The following ATP8B4 variants were observed in gnomAD, a reference collection of about 807,000 sequenced individuals.
The protein encoded by ATP8B4 is ATPase phospholipid transporting 8B4 (putative).
ATP8B4 carries 133 observed loss-of-function variants against 145.6 expected under a neutral mutation model. The observed-to-expected ratio is 0.91, with a 90% CI of 0.79 to 1.05. The LOEUF is 1.05. Among genes scored for constraint, ATP8B4 ranks in the 50% least tolerant of loss-of-function variants. The probability of loss-of-function intolerance (pLI) is 0.00; values close to 1 mark genes in which losing one functional copy is unlikely to be tolerated. For synonymous variants in ATP8B4, 507 were observed against 492.9 expected (o/e 1.03, Z -0.38); for missense variants, 1,458 against 1,425.2 (o/e 1.02, Z -0.37).
chr15:50,114,103 CTTTTTTTTTTT>C (rs755159123), intron 1 of ATP8B4, among the ~76,000 whole-genome samples: 12 of 55,654 alleles, frequency 2.2e-4, no homozygotes, highest in African/African-American at 8.0e-4. Context: ...CTCCTAGTTT[CTTTTTTTTTTT>C]TTTTTTTTTT....
chr15:49,989,250 C>T (rs2046866417), intron 9 of ATP8B4, among the ~76,000 whole-genome samples: 1 of 152,114 alleles, frequency 6.6e-6, no homozygotes, highest in African/African-American at 2.4e-5. Flanking sequence ...TTCTAAATCC[C>T]TGAATTCAGT....
intron 7 of ATP8B4, chr15:50,009,818 AC>A (rs1311823373): frequency 5.5e-6 from 2 of 362,100 alleles, no homozygotes; most frequent in African/African-American, 4.4e-5. Context: ...GGCTGCCGAC[AC>A]CTTTGTGTTT....
At chr15:50,146,742 A>G (rs146442730) in intron 1 of ATP8B4, among the ~76,000 whole-genome samples, 116 of 152,300 alleles carry the variant, frequency 7.6e-4, no homozygotes, top group African/African-American at 2.7e-3. Flanking sequence ...GCAGGGTTGT[A>G]TTGGGTAAAA....
chr15:50,151,606 C>A (rs2044347847), intron 1 of ATP8B4, among the ~76,000 whole-genome samples: 1 of 152,042 alleles, frequency 6.6e-6, no homozygotes, highest in South Asian at 2.1e-4. Context: ...TTAAAAGTAG[C>A]TTGATGTAGT....
At chr15:50,128,006 T>C (rs527961265) in intron 1 of ATP8B4, among the ~76,000 whole-genome samples, 1 of 152,320 alleles carries the variant, frequency 6.6e-6, no homozygotes, top group South Asian at 2.1e-4. Flanking sequence ...CTACTTCTTG[T>C]GCAACCCCAT....
At chr15:49,883,633 G>A (rs1030575455) in intron 23 of ATP8B4, 4 of 152,062 alleles carry the variant, frequency 2.6e-5, no homozygotes, top group East Asian at 1.9e-4. Context: ...TGGGAAAACC[G>A]AGGCCTATCA....
chr15:50,030,005 T>C (rs1167883681), intron 6 of ATP8B4, among the ~76,000 whole-genome samples: 2 of 152,212 alleles, frequency 1.3e-5, no homozygotes, highest in Non-Finnish European at 1.5e-5. Flanking sequence ...AATCAACAAA[T>C]GCTGTTAAAA....
intron 13 of ATP8B4, among the ~76,000 whole-genome samples, chr15:49,964,949 G>T (rs1246005692): frequency 6.6e-6 from 1 of 152,114 alleles, no homozygotes; most frequent in Non-Finnish European, 1.5e-5. Flanking sequence ...CTGATTAAAA[G>T]TTTCCCATTT....
intron 1 of ATP8B4, among the ~76,000 whole-genome samples, chr15:50,163,727 T>TC (rs891739930): frequency 1.3e-5 from 2 of 152,156 alleles, no homozygotes; most frequent in Admixed American, 1.3e-4. Context: ...GGCTACAAGA[T>TC]CCCCCTAGCC....
At chr15:50,159,326 A>AT (rs1050517435) in intron 1 of ATP8B4, among the ~76,000 whole-genome samples, 8 of 152,200 alleles carry the variant, frequency 5.3e-5, no homozygotes, top group African/African-American at 1.9e-4. Context: ...AATGCTACTG[A>AT]TTTTTGTGTG....
At chr15:49,969,984 T>C (rs1166900832) in intron 13 of ATP8B4, among the ~76,000 whole-genome samples, 1 of 152,112 alleles carries the variant, frequency 6.6e-6, no homozygotes. Context: ...AACCAATAAA[T>C]ATAATCCATC....
intron 25 of ATP8B4, among the ~76,000 whole-genome samples, chr15:49,874,364 G>A (rs2034079976): frequency 6.6e-6 from 1 of 152,172 alleles, no homozygotes; most frequent in South Asian, 2.1e-4. Flanking sequence ...AATGTTCCAG[G>A]CAGGAAAGAG....
intron 3 of ATP8B4, among the ~76,000 whole-genome samples, chr15:50,063,784 C>CT (rs1274333298): frequency 6.6e-6 from 1 of 152,024 alleles, no homozygotes; most frequent in African/African-American, 2.4e-5. Flanking sequence ...GGTGATTTTC[C>CT]TGGAGATCTG....
At chr15:50,128,866 G>C (rs796967413) in intron 1 of ATP8B4, among the ~76,000 whole-genome samples, 5 of 152,218 alleles carry the variant, frequency 3.3e-5, no homozygotes, top group African/African-American at 1.2e-4. Flanking sequence ...TCAGGAGTTC[G>C]AGACCAGACT....
chr15:49,900,728 A>G (rs765704641), intron 21 of ATP8B4, among the ~76,000 whole-genome samples: 3 of 152,198 alleles, frequency 2.0e-5, no homozygotes, highest in Non-Finnish European at 2.9e-5. Context: ...TAAGAGCAAT[A>G]ATTATAATAC....
intron 3 of ATP8B4, among the ~76,000 whole-genome samples, chr15:50,072,889 T>G (rs2053838018): frequency 7.2e-6 from 1 of 139,134 alleles, no homozygotes; most frequent in African/African-American, 2.7e-5. Flanking sequence ...CAAACTAGTG[T>G]TGGGACTACA....
At position 49,898,090 on chromosome 15, in the gene ATP8B4, G is replaced by A; in HGVS notation, c.2451C>T (p.Ala817=). 4 of 1,613,670 alleles carry A rather than the reference G, an allele frequency of 2.5e-6. No homozygotes were observed. The highest frequency in any genetic ancestry group is 3.4e-6 in the Non-Finnish European group (4 of 1,179,770). The part of the protein sequence containing the change: ...NAVTLAIGDG[A]NDVSMIKSAH... ...TACTTTTAATCATGCTGACATCATTGGCTCCATCACCAATGGCCAAAGTAA... is the reference window on the plus strand; with the variant it reads ...TACTTTTAATCATGCTGACATCATTAGCTCCATCACCAATGGCCAAAGTAA... The change falls in exon 22 of 28, where the codon GCC becomes GCT. Residue 817 remains alanine (A), a synonymous_variant. Transcript: ENST00000284509.
chr15:50,078,948 G>A (rs181500986), intron 2 of ATP8B4, among the ~76,000 whole-genome samples: 47 of 152,292 alleles, frequency 3.1e-4, no homozygotes, highest in African/African-American at 4.8e-4. Context: ...CTGCAAAAGT[G>A]TTTACAGACA....
rs6493400 is a variant in ATP8B4, at chr15:50,067,054, C to T, written c.87+7073G>A. Among the ~76,000 whole-genome samples the T allele has an allele frequency of 4.3e-3, 656 of 152,054 alleles. 3 individuals carry two copies. The highest frequency in any genetic ancestry group is 0.017 in the Middle Eastern group (5 of 294). On this transcript the variant is annotated intron_variant, in intron 3 of 27. Coordinates refer to ENST00000284509, the MANE Select transcript of ATP8B4 (RefSeq NM_024837.4). ...CTCTGTTCCTTCTTAAGTTCTTTCC[C>T]TCCCACTCTCTAACAAACTGAGTTT...
Sources: allele counts gnomAD v4.1 joint callset (sites outside exome capture counted in the v4.1 genomes callset), GRCh38; gene constraint gnomAD v4.1.1; transcripts MANE v1.5; gene names NCBI Gene and HGNC (gene_info 2026-07-23, HGNC 2026-07-21).